Variants in CD46 observed in about 807,000 individuals in gnomAD.
CD46 encodes the protein CD46 molecule, also known as membrane cofactor protein.
Under a neutral mutation model 53.3 loss-of-function variants are expected in CD46, and 30 were observed. The ratio of observed to expected loss-of-function variants is 0.56; its 90% CI spans 0.42 to 0.76. The LOEUF (loss-of-function observed/expected upper bound fraction) is 0.76, where lower values mean the gene tolerates loss of function less well. CD46 is among the 30% of genes least tolerant of loss of function. The pLI is 0.00. For synonymous variants in CD46, 142 were observed against 152.0 expected, an observed-to-expected ratio of 0.93 and a Z score of 0.48; for missense variants, 409 against 463.0, an observed-to-expected ratio of 0.88 and a Z score of 1.07.
In CD46 at chr1:207,779,745, C is replaced by T. The variant is rs115744765; in HGVS notation, c.944-3547C>T. 5.8e-3 allele frequency among the ~76,000 whole-genome samples: 883 copies of T among 152,008 alleles called. 5 individuals are homozygous for T. Among genetic ancestry groups the T allele is most frequent in the South Asian group, 9.8e-3 (47 of 4,814 alleles). ...ATATATGGTTCCACCTCGCCCCACCCCAGCAACCACCATCCAATAGCTAAA... is the reference window on the plus strand; with the variant it reads ...ATATATGGTTCCACCTCGCCCCACCTCAGCAACCACCATCCAATAGCTAAA... On this transcript the variant is annotated intron_variant, in intron 8 of 12. Transcript: ENST00000367042.
chr1:207,783,405 G>A (rs542186088), intron 9 of CD46, 75 bp downstream of exon 9: 6 of 857,162 alleles, frequency 7.0e-6, no homozygotes, highest in Non-Finnish European at 1.2e-5. Context: ...TTTATGAGGT[G>A]CCCAAACATA....
intron 2 of CD46, 35 bp downstream of exon 2, chr1:207,757,237 C>A: frequency 1.3e-6 from 2 of 1,547,548 alleles, no homozygotes; most frequent in Non-Finnish European, 1.8e-6. Context: ...TTTCTGCTTG[C>A]TCTAGAGATT....
At chr1:207,769,972 G>A (rs1657302402) in intron 7 of CD46, 3 of 235,106 alleles carry the variant, frequency 1.3e-5, no homozygotes, top group Non-Finnish European at 2.5e-5. Flanking sequence ...CTCCATGATG[G>A]CCTGGCTAGT....
intron 5 of CD46, among the ~76,000 whole-genome samples, chr1:207,765,122 A>G (rs1358231766): frequency 1.3e-5 from 2 of 152,222 alleles, no homozygotes; most frequent in Non-Finnish European, 2.9e-5. Flanking sequence ...TACCCTATGA[A>G]TGCAAGATTA....
At position 207,779,913 on chromosome 1, in the gene CD46, C is replaced by CTTTTTTTTTTTTTTTTTTTT. The variant is rs66758503; in HGVS notation, c.944-3360_944-3359insTTTTTTTTTTTTTTTTTTTT. Among the ~76,000 whole-genome samples, 219 of 62,320 alleles carry CTTTTTTTTTTTTTTTTTTTT rather than the reference C, an allele frequency of 3.5e-3. 32 individuals are homozygous for CTTTTTTTTTTTTTTTTTTTT. Among genetic ancestry groups the CTTTTTTTTTTTTTTTTTTTT allele is most frequent in the East Asian group, 0.011 (13 of 1,222 alleles). 40.9% of individuals were successfully genotyped at this position (62,320 alleles called of 152,430 possible). On this transcript the variant is annotated intron_variant, in intron 8 of 12. Transcript: ENST00000367042. ...TTCTATTCTTGTAGCAAAAGCAAGT[C>CTTTTTTTTTTTTTTTTTTTT]TTTTTTTTTTTTTTTTTTTACTGTA...
chr1:207,759,393 G>A (rs1202830942), intron 3 of CD46, among the ~76,000 whole-genome samples: 1 of 152,228 alleles, frequency 6.6e-6, no homozygotes, highest in African/African-American at 2.4e-5. Flanking sequence ...AAAGAGGCTG[G>A]GTGGAAAGGC....
At chr1:207,770,408 T>C in intron 8 of CD46, 46 bp downstream of exon 8, 1 of 1,299,622 alleles carries the variant, frequency 7.7e-7, no homozygotes, top group Non-Finnish European at 1.1e-6. Context: ...AATTTATTTA[T>C]TTATTTTTAT....
At chr1:207,771,990 T>C (rs1657553452) in intron 8 of CD46, among the ~76,000 whole-genome samples, 1 of 152,234 alleles carries the variant, frequency 6.6e-6, no homozygotes, top group Non-Finnish European at 1.5e-5. Context: ...CCTTGGGTAG[T>C]ATGGCCATTT....
Position 207,783,274 on chromosome 1 carries a change from TTTC to T in CD46, c.944-12_944-10del, listed in dbSNP as rs754678969. 7.4e-7 allele frequency: 1 copy of T among 1,349,354 alleles called. No individual in the cohort carries two copies. The highest frequency in any genetic ancestry group is 1.2e-5 in the South Asian group (1 of 83,660). The allele number at this position is 1,349,354 out of a possible 1,614,324, so 83.6% of individuals were successfully genotyped here. A position where few individuals can be genotyped will look rare whatever the true frequency, so the allele number is the denominator to read the frequency against. ...CCTTCTTTTATTAATTTAATCTATA[TTTC>T]TTCTTTTTTCCTAGGATATCCTAAA... On this transcript the variant is annotated splice_polypyrimidine_tract_variant and intron_variant, in intron 8 of 12. Transcript: ENST00000367042.
chr1:207,766,646 C>G (rs1461998499), intron 5 of CD46, among the ~76,000 whole-genome samples: 1 of 152,106 alleles, frequency 6.6e-6, no homozygotes, highest in South Asian at 2.1e-4. Flanking sequence ...ACCACCACCC[C>G]CCTGCAGTAG....
At chr1:207,784,830 A>T (rs1370282994) in intron 9 of CD46, among the ~76,000 whole-genome samples, 1 of 152,138 alleles carries the variant, frequency 6.6e-6, no homozygotes, top group Non-Finnish European at 1.5e-5. Context: ...CGCTTATAAA[A>T]CCATCAGATC....
rs66758503 is a variant in CD46, at chr1:207,779,913, C to CTTTTTTTTTTTTTTTTTTTTT, written c.944-3360_944-3359insTTTTTTTTTTTTTTTTTTTTT. Among the ~76,000 whole-genome samples the CTTTTTTTTTTTTTTTTTTTTT allele has an allele frequency of 2.3e-3, 142 of 62,354 alleles. 28 individuals carry two copies. Among genetic ancestry groups the CTTTTTTTTTTTTTTTTTTTTT allele is most frequent in the Middle Eastern group, 0.017 (1 of 60 alleles). The allele number at this position is 62,354 out of a possible 152,430, so 40.9% of individuals were successfully genotyped here. Reference sequence around the variant, plus strand: ...TTCTATTCTTGTAGCAAAAGCAAGTCTTTTTTTTTTTTTTTTTTTACTGTA... The same window carrying CTTTTTTTTTTTTTTTTTTTTT: ...TTCTATTCTTGTAGCAAAAGCAAGTCTTTTTTTTTTTTTTTTTTTTTTTTTTTTTTTTTTTTTTTTACTGTA... On this transcript the variant is annotated intron_variant, in intron 8 of 12. Coordinates refer to ENST00000367042, the MANE Select transcript of CD46 (RefSeq NM_172351.3).
chr1:207,779,913 C>CTTTTTTTTTTTTTTTTTTTTTTTTTTTTT (rs66758503), intron 8 of CD46, among the ~76,000 whole-genome samples: 9 of 62,396 alleles, frequency 1.4e-4, no homozygotes, highest in Non-Finnish European at 1.8e-4. Context: ...AAAAGCAAGT[C>CTTTTTTTTTTTTTTTTTTTTTTTTTTTTT]TTTTTTTTTT....
At chr1:207,766,359 G>T (rs1571614677) in intron 5 of CD46, among the ~76,000 whole-genome samples, 1 of 152,060 alleles carries the variant, frequency 6.6e-6, no homozygotes, top group Admixed American at 6.5e-5. Context: ...CACAACAAAA[G>T]GTCAGTGAAC....
Position 207,752,150 on chromosome 1 carries a change from C to T in CD46, c.-63C>T. On this transcript the variant is annotated 5_prime_UTR_variant, in exon 1 of 13. Transcript: ENST00000367042. This position sits in a 1 kb window ranked among gnomAD's most constrained non-coding sequence, Gnocchi z 4.1. The stretch of plus-strand genomic sequence containing the variant: ...TCTGGACCCAGAAGGGACTTCCCTG[C>T]TCGGCTGGCTCTCGGTTTCTCTGCT... 1 of 1,484,814 alleles carries T rather than the reference C, an allele frequency of 6.7e-7. No homozygotes were observed. Among genetic ancestry groups the T allele is most frequent in the Non-Finnish European group, 9.4e-7 (1 of 1,068,376 alleles). 92.0% of individuals were successfully genotyped at this position (1,484,814 alleles called of 1,614,324 possible). A position where few individuals can be genotyped will look rare whatever the true frequency, so the allele number is the denominator to read the frequency against.
chr1:207,763,666 T>C (rs1035402204), intron 5 of CD46, among the ~76,000 whole-genome samples: 1 of 152,152 alleles, frequency 6.6e-6, no homozygotes, highest in African/African-American at 2.4e-5. Flanking sequence ...GTTTTATCTC[T>C]GAATATTTTT....
At chr1:207,787,284 C>G (rs1659358228) in intron 11 of CD46, among the ~76,000 whole-genome samples, 1 of 152,172 alleles carries the variant, frequency 6.6e-6, no homozygotes. Flanking sequence ...GTTGGTCAGG[C>G]TGGTCTTGAA....
intron 5 of CD46, chr1:207,763,374 G>A (rs1359539181): frequency 6.6e-6 from 1 of 152,456 alleles, no homozygotes; most frequent in Non-Finnish European, 1.5e-5. Flanking sequence ...TTCCAGCAGG[G>A]TCTGCAGCCC....
Position 207,785,056 on chromosome 1 carries a change from T to C in CD46, c.983-15T>C, listed in dbSNP as rs558005401. ...ATCCATGTGTTCAACATCTTGGAAC[T>C]GTTTTCTTTCTCAGATGTTTGGGTC... On this transcript the variant is annotated splice_polypyrimidine_tract_variant and intron_variant, in intron 9 of 12. Transcript: ENST00000367042. 1.2e-6 allele frequency: 2 copies of C among 1,609,330 alleles called. No homozygotes were observed. The highest frequency in any genetic ancestry group is 1.7e-5 in the Admixed American group (1 of 59,976).
Sources: gnomAD v4.1 joint callset for allele counts (sites outside exome capture counted in the v4.1 genomes callset) on GRCh38, gnomAD v4.1.1 for gene constraint, Gnocchi (gnomAD v3.1) non-coding constraint, MANE v1.5 for transcripts, NCBI Gene and HGNC (gene_info 2026-07-23, HGNC 2026-07-21) for gene names.